Variants in SERINC5 observed in about 807,000 individuals in gnomAD.
SERINC5 encodes the protein chromosome 5 open reading frame 12.
Under a neutral mutation model 63.1 loss-of-function variants are expected in SERINC5, and 41 were observed. The observed-to-expected ratio is 0.65, with a 90% CI of 0.51 to 0.84. The LOEUF (loss-of-function observed/expected upper bound fraction) is 0.84, where lower values mean the gene tolerates loss of function less well. SERINC5 is among the 40% of genes least tolerant of loss of function. The probability of loss-of-function intolerance (pLI) is 0.00; values close to 1 mark genes in which losing one functional copy is unlikely to be tolerated. For missense variants in SERINC5, 523 were observed against 573.0 expected (o/e 0.91, Z 0.89); for synonymous variants, 222 against 215.2 (o/e 1.03, Z -0.28).
downstream of SERINC5, among the ~76,000 whole-genome samples, chr5:80,137,888 C>A (rs1745279021): frequency 6.6e-6 from 1 of 152,042 alleles, no homozygotes; most frequent in Middle Eastern, 3.4e-3. Context: ...CCAAAATAAG[C>A]CATGATGTCA....
downstream of SERINC5, among the ~76,000 whole-genome samples, chr5:80,134,393 G>C (rs922539125): frequency 3.9e-5 from 6 of 152,310 alleles, no homozygotes; most frequent in African/African-American, 1.4e-4. Flanking sequence ...GGCTGACGCA[G>C]GAGAATCGTT....
rs568161498 is a variant in SERINC5, at chr5:80,231,565, C to T, written c.27+24331G>A. Among the ~76,000 whole-genome samples the T allele has an allele frequency of 3.3e-5, 5 of 152,036 alleles. No homozygotes were observed. The East Asian group carries it at 9.7e-4, about 29-fold the overall frequency. Reference sequence around the variant, plus strand: ...AAAACACAACCTCCAGCGTCATGACCACCAGCCCCAGTAGGTCTAAATTCC... The same window carrying T: ...AAAACACAACCTCCAGCGTCATGACTACCAGCCCCAGTAGGTCTAAATTCC... On this transcript the variant is annotated intron_variant, in intron 1 of 11. Coordinates refer to ENST00000507668, the MANE Select transcript of SERINC5 (RefSeq NM_001174072.3).
chr5:80,255,782 G>C, intron 1 of SERINC5, 114 bp downstream of exon 1: 1 of 1,117,028 alleles, frequency 9.0e-7, no homozygotes, highest in South Asian at 1.4e-5. Flanking sequence ...GACCCACCCG[G>C]GCCCTACGTT....
intron 5 of SERINC5, among the ~76,000 whole-genome samples, chr5:80,174,369 A>AAAAAAAAATAATAAT (rs1747874757): frequency 7.6e-6 from 1 of 131,718 alleles, no homozygotes; most frequent in African/African-American, 2.9e-5. Flanking sequence ...CCCATCTCAA[A>AAAAAAAAATAATAAT]AATAATAATA....
intron 11 of SERINC5, among the ~76,000 whole-genome samples, chr5:80,127,349 A>G (rs1463060325): frequency 2.6e-5 from 4 of 152,208 alleles, no homozygotes; most frequent in Non-Finnish European, 5.9e-5. Context: ...TGGTTCTACT[A>G]TGTTCGTTCT....
intron 1 of SERINC5, among the ~76,000 whole-genome samples, chr5:80,215,376 C>CTA (rs1237364729): frequency 6.6e-5 from 10 of 152,180 alleles, no homozygotes; most frequent in African/African-American, 2.4e-4. Context: ...GCAGAACCTG[C>CTA]TATGCTTCCT....
intron 1 of SERINC5, among the ~76,000 whole-genome samples, chr5:80,240,544 T>C (rs1561450562): frequency 6.6e-6 from 1 of 152,252 alleles, no homozygotes; most frequent in Non-Finnish European, 1.5e-5. Context: ...TGGTAATTTT[T>C]AGAATGCGTA....
intron 1 of SERINC5, among the ~76,000 whole-genome samples, chr5:80,224,935 GTT>G (rs764594236): frequency 1.2e-5 from 1 of 81,668 alleles, no homozygotes; most frequent in Non-Finnish European, 2.3e-5. Context: ...TTTTTTTTTT[GTT>G]TTTTTTTGTT....
Position 80,159,824 on chromosome 5 carries a change from C to T in SERINC5, c.860-862G>A, listed in dbSNP as rs185558963. ...AGCTGGAGGCTTACAGGAAGGTGAACACCACCTCATCCACATGTTAGGAAC... is the reference window on the plus strand; with the variant it reads ...AGCTGGAGGCTTACAGGAAGGTGAATACCACCTCATCCACATGTTAGGAAC... On this transcript the variant is annotated intron_variant, in intron 7 of 11. Coordinates refer to ENST00000507668, the MANE Select transcript of SERINC5 (RefSeq NM_001174072.3). Among the ~76,000 whole-genome samples, 259 of 152,328 alleles carry T rather than the reference C, an allele frequency of 1.7e-3. 2 individuals carry two copies. The highest frequency in any genetic ancestry group is 5.1e-3 in the Admixed American group (78 of 15,304).
intron 1 of SERINC5, among the ~76,000 whole-genome samples, chr5:80,224,959 T>TA (rs1293020287): frequency 2.0e-5 from 3 of 148,288 alleles, no homozygotes; most frequent in Non-Finnish European, 4.5e-5. Flanking sequence ...TTTTTTTTTT[T>TA]AGACAAGTTT....
intron 1 of SERINC5, among the ~76,000 whole-genome samples, chr5:80,249,188 GCCTGT>G (rs1752290225): frequency 6.6e-6 from 1 of 152,098 alleles, no homozygotes; most frequent in African/African-American, 2.4e-5. Flanking sequence ...GGTGATGGGT[GCCTGT>G]AGTCCCAGCT....
intron 7 of SERINC5, among the ~76,000 whole-genome samples, 162 bp downstream of exon 7, chr5:80,166,221 C>T (rs1210243641): frequency 1.3e-5 from 2 of 151,968 alleles, no homozygotes; most frequent in Non-Finnish European, 2.9e-5. Flanking sequence ...TATTTTGTAC[C>T]CATTAATCAT....
Position 80,143,668 on chromosome 5 carries a change from C to G in SERINC5, c.1381G>C (p.Val461Leu). 1 of 1,535,998 alleles carries G rather than the reference C, an allele frequency of 6.5e-7. No individual in the cohort carries two copies. Among genetic ancestry groups the G allele is most frequent in the Non-Finnish European group, 8.7e-7 (1 of 1,146,846 alleles). Reference protein sequence around the residue: ...PLCCPTREFSV With the variant: ...PLCCPTREFSL ...CCAGGGGACCGCCGATATCATCACA[C>G]AGAGAACTCCCGGGTGGGGCAGCAG... The change falls in exon 12 of 12, where the codon GTG becomes CTG. Residue 461 changes from valine to leucine, a missense_variant. By Grantham distance (32) the Val-to-Leu change is conservative. Coordinates refer to ENST00000507668, the MANE Select transcript of SERINC5 (RefSeq NM_001174072.3).
chr5:80,122,317 A>C (rs1474013200), intron 11 of SERINC5, among the ~76,000 whole-genome samples: 1 of 151,910 alleles, frequency 6.6e-6, no homozygotes, highest in Non-Finnish European at 1.5e-5. Flanking sequence ...AGCATCCAGC[A>C]CGGGAGAAAG....
chr5:80,124,695 A>C (rs1744677496), intron 11 of SERINC5, among the ~76,000 whole-genome samples: 1 of 152,168 alleles, frequency 6.6e-6, no homozygotes, highest in African/African-American at 2.4e-5. Context: ...CCAAATGGCC[A>C]AAAACATGAC....
chr5:80,230,350 C>T (rs1340656671), intron 1 of SERINC5, among the ~76,000 whole-genome samples: 1 of 150,540 alleles, frequency 6.6e-6, no homozygotes, highest in Non-Finnish European at 1.5e-5. Flanking sequence ...GCACCAGCTA[C>T]TCAGGAGGCT....
chr5:80,167,252 G>C (rs1213174925), intron 6 of SERINC5: 1 of 152,012 alleles, frequency 6.6e-6, no homozygotes, highest in Non-Finnish European at 1.5e-5. Context: ...CCCTCTGATA[G>C]GCCCCAGTGT....
intron 1 of SERINC5, among the ~76,000 whole-genome samples, chr5:80,247,916 T>C (rs1752233171): frequency 6.6e-6 from 1 of 152,152 alleles, no homozygotes; most frequent in Non-Finnish European, 1.5e-5. Flanking sequence ...GACACAACCA[T>C]GGCTCACTGC....
In SERINC5 at chr5:80,140,238, T is replaced by G; in HGVS notation, c.*3425A>C. On this transcript the variant is annotated 3_prime_UTR_variant, in exon 12 of 12. Coordinates refer to ENST00000507668, the MANE Select transcript of SERINC5 (RefSeq NM_001174072.3). ...GGAGGTGGTCCTTGAGCCCAGGAGG[T>G]CAAGCCTGCCATGAGTCAAGATCAT... is the stretch of plus-strand genomic sequence containing the variant. 1 of 871,012 alleles carries G rather than the reference T, an allele frequency of 1.1e-6. No homozygotes were observed. The highest frequency in any genetic ancestry group is 1.3e-6 in the Non-Finnish European group (1 of 745,214). 54.0% of individuals were successfully genotyped at this position (871,012 alleles called of 1,614,324 possible).
Sources: allele counts gnomAD v4.1 joint callset (sites outside exome capture counted in the v4.1 genomes callset), GRCh38; gene constraint gnomAD v4.1.1; transcripts MANE v1.5; gene names NCBI Gene and HGNC (gene_info 2026-07-23, HGNC 2026-07-21).